ARFGEF2: variants seen among roughly 807,000 people sequenced by gnomAD.
The protein encoded by ARFGEF2 is brefeldin A-inhibited guanine nucleotide-exchange protein 2.
ARFGEF2 carries 74 observed loss-of-function variants against 219.9 expected under a neutral mutation model. That is an observed-to-expected ratio of 0.34 (90% CI 0.28 to 0.41). The LOEUF (loss-of-function observed/expected upper bound fraction) is 0.41. Ranked by LOEUF, ARFGEF2 falls within the 10% of genes least tolerant of loss-of-function variation. The probability of loss-of-function intolerance (pLI) is 1.00; values close to 1 mark genes in which losing one functional copy is unlikely to be tolerated. For synonymous variants in ARFGEF2, 733 were observed against 799.2 expected (o/e 0.92, Z 1.40); for missense variants, 1,743 against 2,218.3 (o/e 0.79, Z 4.30).
chr20:49,017,633 T>C (rs962123446), intron 33 of ARFGEF2, 83 bp downstream of exon 33: 1 of 1,410,790 alleles, frequency 7.1e-7, no homozygotes. Flanking sequence ...GTTTGTACTT[T>C]TTTTAATGGG....
In ARFGEF2 at chr20:48,971,339, GAA is replaced by G; in HGVS notation, c.1413_1414del (p.Lys471AsnfsTer23). ...TLLSNFKMHLKMQIEVFFKEI... is the reference protein window; with the variant it reads ...TLLSNFKMHLXMQIEVFFKEI... ...TTCTTTCAAACTTTAAAATGCACTTGAAAATGCAGATAGAGGTACGGATTCCA... is the reference window on the plus strand; with the variant it reads ...TTCTTTCAAACTTTAAAATGCACTTGAATGCAGATAGAGGTACGGATTCCA... On this transcript the variant is annotated frameshift_variant, in exon 10 of 39. Transcript: ENST00000371917. LOFTEE classifies it high-confidence loss of function. 6.2e-7 allele frequency: 1 copy of G among 1,613,930 alleles called. No individual in the cohort carries two copies. Among genetic ancestry groups the G allele is most frequent in the Non-Finnish European group, 8.5e-7 (1 of 1,179,844 alleles).
rs772890707 is a variant in ARFGEF2 at position 49,032,975 on chromosome 20, A to C, written c.5182-48A>C. On this transcript the variant is annotated intron_variant, in intron 38 of 38. Transcript: ENST00000371917. Reference sequence around the variant, plus strand: ...AACACTTCTGAAAAACTGGTGCCCAAAAAAAAAAAAAATTGTCTAATTTTA... The same window carrying C: ...AACACTTCTGAAAAACTGGTGCCCACAAAAAAAAAAAATTGTCTAATTTTA... 22 of 1,362,830 alleles carry C rather than the reference A, an allele frequency of 1.6e-5. No homozygotes were observed. The South Asian group carries it at 2.4e-4, about 15-fold the overall frequency. 84.4% of individuals were successfully genotyped at this position (1,362,830 alleles called of 1,614,324 possible).
chr20:49,008,062 G>T (rs1408658419), intron 26 of ARFGEF2, among the ~76,000 whole-genome samples: 3 of 152,160 alleles, frequency 2.0e-5, no homozygotes, highest in African/African-American at 7.2e-5. Context: ...GGTGATAAGT[G>T]TCAAGAATCC....
At position 48,969,270 on chromosome 20, in the gene ARFGEF2, G is replaced by C. The variant is rs2091210623; in HGVS notation, c.1183G>C (p.Asp395His). ...SMKPLGEGPPDPKSHELRSKV... is the reference protein window; with the variant it reads ...SMKPLGEGPPHPKSHELRSKV... The stretch of plus-strand genomic sequence containing the variant: ...GAAACCCCTTGGTGAAGGCCCTCCA[G>C]ACCCAAAGTAAGCAGACAGCAGTTC... The change falls in exon 9 of 39, where the codon GAC becomes CAC. Residue 395 changes from aspartate to histidine, a missense_variant. Asp to His is a moderately conservative substitution (Grantham distance 81). Coordinates refer to ENST00000371917, the MANE Select transcript of ARFGEF2 (RefSeq NM_006420.3). The C allele has an allele frequency of 6.2e-7, 1 of 1,614,200 alleles. No homozygotes were observed. Among genetic ancestry groups the C allele is most frequent in the East Asian group, 2.2e-5 (1 of 44,888 alleles).
intron 6 of ARFGEF2, among the ~76,000 whole-genome samples, chr20:48,958,576 A>G (rs1474935098): frequency 1.3e-5 from 2 of 151,242 alleles, no homozygotes; most frequent in Non-Finnish European, 3.0e-5. Context: ...AGCTGGGACT[A>G]CAGGAGCCCG....
chr20:49,019,841 A>G (rs1034753347), intron 34 of ARFGEF2, among the ~76,000 whole-genome samples: 2 of 151,830 alleles, frequency 1.3e-5, no homozygotes, highest in African/African-American at 4.8e-5. Context: ...CCCCTTTTTT[A>G]TTGGTTTGGA....
chr20:48,927,343 CTCA>C (rs1202834558), intron 1 of ARFGEF2, among the ~76,000 whole-genome samples: 6 of 152,058 alleles, frequency 3.9e-5, no homozygotes, highest in East Asian at 3.8e-4. Flanking sequence ...AAAAACCATT[CTCA>C]TCATGAGGAT....
At chr20:49,030,312 T>G (rs1379798684) in intron 37 of ARFGEF2, among the ~76,000 whole-genome samples, 2 of 152,156 alleles carry the variant, frequency 1.3e-5, no homozygotes, top group Non-Finnish European at 2.9e-5. Flanking sequence ...CTTGGAATTT[T>G]CAGCAATTGG....
chr20:49,005,029 T>C (rs1214104733), intron 25 of ARFGEF2, 41 bp from the exon 26 acceptor site: 2 of 1,613,808 alleles, frequency 1.2e-6, no homozygotes, highest in Non-Finnish European at 1.7e-6. Context: ...CGGTCATTAT[T>C]ACACTATACC....
At position 48,974,883 on chromosome 20, in the gene ARFGEF2, G is replaced by A. The variant is rs1176597130; in HGVS notation, c.1774+9G>A. The A allele has an allele frequency of 1.2e-6, 2 of 1,607,216 alleles. No homozygotes were observed. Among genetic ancestry groups the A allele is most frequent in the Admixed American group, 1.7e-5 (1 of 59,728 alleles). Reference sequence around the variant, plus strand: ...CCACCAGACCAGCCTCGGTGAGACAGCATTGCTGCCACACCCACCTCCATT... The same window carrying A: ...CCACCAGACCAGCCTCGGTGAGACAACATTGCTGCCACACCCACCTCCATT... On this transcript the variant is annotated intron_variant, in intron 13 of 38. Transcript: ENST00000371917.
Position 49,013,285 on chromosome 20 carries a change from C to T in ARFGEF2, c.3919-279C>T, listed in dbSNP as rs6095397. Among the ~76,000 whole-genome samples, 16,341 of 152,072 alleles carry T rather than the reference C, an allele frequency of 0.11. 1,246 individuals carry two copies. The highest frequency in any genetic ancestry group is 0.22 in the African/African-American group (9,207 of 41,438). On this transcript the variant is annotated intron_variant, in intron 28 of 38. Transcript: ENST00000371917. ...GTCAATACTATTTGACCTTTAAGCTCTTCTTAGTATAACACCTCCCACCCC... is the reference window on the plus strand; with the variant it reads ...GTCAATACTATTTGACCTTTAAGCTTTTCTTAGTATAACACCTCCCACCCC...
At chr20:48,934,208 C>T (rs1012604719) in intron 1 of ARFGEF2, among the ~76,000 whole-genome samples, 3 of 151,760 alleles carry the variant, frequency 2.0e-5, no homozygotes, top group Non-Finnish European at 4.4e-5. Context: ...GATGTCTGTG[C>T]CAGGACTTGA....
At chr20:48,974,664 T>G (rs1237718136) in intron 12 of ARFGEF2, 102 bp from the exon 13 acceptor site, 11 of 857,104 alleles carry the variant, frequency 1.3e-5, no homozygotes, top group Non-Finnish European at 1.9e-5. Context: ...TGACTGTCAG[T>G]GATTTCTTTC....
At chr20:48,980,331 A>C (rs191346062) in intron 14 of ARFGEF2, among the ~76,000 whole-genome samples, 309 of 152,312 alleles carry the variant, frequency 2.0e-3, no homozygotes, top group African/African-American at 6.8e-3. Flanking sequence ...ATTTGATTGC[A>C]CTGTGGTCTG....
Position 48,921,982 on chromosome 20 carries a change from G to C in ARFGEF2, c.93G>C (p.Gln31His). ...AGGTGAAGCGGCCCCAGCACTCCCA[G>C]CTGCGCAGGGCCTGCCAGGTGGCGC... Reference protein sequence around the residue: ...DKEVKRPQHSQLRRACQVALD... With the variant: ...DKEVKRPQHSHLRRACQVALD... The change falls in exon 1 of 39, where the codon CAG becomes CAC. Residue 31 changes from glutamine to histidine, a missense_variant. Around this residue, in one of 5 missense-constraint regions of ARFGEF2, gnomAD observed 394 missense variants for 426.6 expected, o/e 0.92. Coordinates refer to ENST00000371917, the MANE Select transcript of ARFGEF2 (RefSeq NM_006420.3). The C allele has an allele frequency of 6.3e-7, 1 of 1,579,458 alleles. No homozygotes were observed. Among genetic ancestry groups the C allele is most frequent in the Non-Finnish European group, 8.6e-7 (1 of 1,163,010 alleles).
At chr20:49,030,694 G>A (rs2123582808) in intron 37 of ARFGEF2, among the ~76,000 whole-genome samples, 1 of 152,186 alleles carries the variant, frequency 6.6e-6, no homozygotes, top group Middle Eastern at 3.4e-3. Flanking sequence ...GTCTCATAAA[G>A]TTTCTCTAAA....
chr20:49,009,031 T>C (rs1000878935), intron 26 of ARFGEF2, among the ~76,000 whole-genome samples: 5 of 152,198 alleles, frequency 3.3e-5, no homozygotes, highest in Non-Finnish European at 5.9e-5. Flanking sequence ...TCATACTTTT[T>C]CTGTATTTTC....
Position 48,976,128 on chromosome 20 carries a change from T to G in ARFGEF2, c.1887T>G (p.Thr629=). The change falls in exon 14 of 39, where the codon ACT becomes ACG. Residue 629 remains threonine (T), a synonymous_variant. Transcript: ENST00000371917. ...CAGTGTCCTCGGGGACCCAGACAACTGTTCAGGATGACCCTGAGCAATTTG... is the reference window on the plus strand; with the variant it reads ...CAGTGTCCTCGGGGACCCAGACAACGGTTCAGGATGACCCTGAGCAATTTG... ...ESTVSSGTQT[T]VQDDPEQFEV... The G allele has an allele frequency of 6.2e-7, 1 of 1,613,922 alleles. No individual in the cohort carries two copies. The highest frequency in any genetic ancestry group is 8.5e-7 in the Non-Finnish European group (1 of 1,180,036).
intron 25 of ARFGEF2, among the ~76,000 whole-genome samples, chr20:49,001,968 C>T (rs983248771): frequency 5.3e-5 from 8 of 152,138 alleles, no homozygotes; most frequent in Admixed American, 2.0e-4. Context: ...CATAACAGGC[C>T]GGGCACAGTA....
Sources: gnomAD v4.1 joint callset for allele counts (sites outside exome capture counted in the v4.1 genomes callset) on GRCh38, gnomAD v4.1.1 for gene constraint, gnomAD v4.1.1 regional missense constraint, MANE v1.5 for transcripts, NCBI Gene and HGNC (gene_info 2026-07-23, HGNC 2026-07-21) for gene names.